YARS1: variants seen among roughly 807,000 people sequenced by gnomAD.
YARS1 encodes tyrosyl-tRNA synthetase 1.
YARS1 carries 36 observed loss-of-function variants against 62.2 expected under a neutral mutation model. The ratio of observed to expected loss-of-function variants is 0.58; its 90% CI spans 0.44 to 0.76. The LOEUF is 0.76. Among genes scored for constraint, YARS1 ranks in the 30% least tolerant of loss-of-function variants. YARS1 has a pLI of 0.00. For synonymous variants in YARS1, 234 were observed against 244.9 expected, an observed-to-expected ratio of 0.96 and a Z score of 0.42; for missense variants, 524 against 639.8, an observed-to-expected ratio of 0.82 and a Z score of 1.95.
At chr1:32,784,324 A>G (rs1331464241) in intron 8 of YARS1, among the ~76,000 whole-genome samples, 2 of 151,844 alleles carry the variant, frequency 1.3e-5, no homozygotes, top group African/African-American at 4.8e-5. Flanking sequence ...GTACATTAAC[A>G]TTTCTAGCAG....
chr1:32,801,100 G>A (rs894808080), intron 4 of YARS1, among the ~76,000 whole-genome samples: 2 of 152,182 alleles, frequency 1.3e-5, no homozygotes, highest in Admixed American at 6.5e-5. Flanking sequence ...TTAAAGGACA[G>A]ACAGGTAGAG....
chr1:32,791,276 C>G, intron 5 of YARS1, 22 bp from the exon 6 acceptor site: 1 of 1,599,950 alleles, frequency 6.3e-7, no homozygotes, highest in African/African-American at 1.3e-5. Context: ...GAGAAACACA[C>G]AAAAGCCGAT....
rs545769213 is a variant in YARS1 at position 32,807,483 on chromosome 1, G to T, written c.381-872C>A. ...CTTTTATTTTTTTTTTTGAGACAGG[G>T]TCTCACTCTGTCACCTGGGCTGGAA... On this transcript the variant is annotated intron_variant, in intron 3 of 12. Coordinates refer to ENST00000373477, the MANE Select transcript of YARS1 (RefSeq NM_003680.4). Among the ~76,000 whole-genome samples, 6 of 151,428 alleles carry T rather than the reference G, an allele frequency of 4.0e-5. No homozygotes were observed. In the East Asian group the frequency reaches 1.2e-3, roughly 29 times the overall value.
intron 3 of YARS1, among the ~76,000 whole-genome samples, chr1:32,810,031 A>T (rs995781268): frequency 2.0e-5 from 3 of 151,480 alleles, no homozygotes; most frequent in Non-Finnish European, 4.4e-5. Context: ...TCTTGAACCC[A>T]GGAGGCAGAG....
At chr1:32,802,847 C>G (rs1305929988) in intron 4 of YARS1, among the ~76,000 whole-genome samples, 2 of 152,266 alleles carry the variant, frequency 1.3e-5, no homozygotes, top group Admixed American at 1.3e-4. Flanking sequence ...GAGTCTCACT[C>G]TGTTACCCAG....
chr1:32,793,291 G>C (rs564791368), intron 5 of YARS1, among the ~76,000 whole-genome samples: 2 of 152,314 alleles, frequency 1.3e-5, no homozygotes, highest in Admixed American at 1.3e-4. Context: ...CAAATCCACT[G>C]ATTCAAGAAG....
chr1:32,790,248 C>T lies in YARS1; in HGVS notation c.684+914G>A, dbSNP rs1185546609. ...TTTTGGCTGGGTGCAGTGGCTCACG[C>T]CTATAATCCCAGCACCTTGGGAGGC... On this transcript the variant is annotated intron_variant, in intron 6 of 12. Coordinates refer to ENST00000373477, the MANE Select transcript of YARS1 (RefSeq NM_003680.4). Among the ~76,000 whole-genome samples the T allele has an allele frequency of 2.8e-5, 4 of 144,824 alleles. No individual in the cohort carries two copies. In the East Asian group the frequency reaches 8.3e-4, roughly 30 times the overall value.
chr1:32,805,265 G>T (rs1409105134), intron 4 of YARS1, among the ~76,000 whole-genome samples: 1 of 131,992 alleles, frequency 7.6e-6, no homozygotes, highest in Non-Finnish European at 1.6e-5. Context: ...GGGAGAGGGG[G>T]AGAGGGAGAG....
At chr1:32,781,272 G>T (rs150871207) in intron 9 of YARS1, 127 bp from the exon 10 acceptor site, 158 of 800,232 alleles carry the variant, frequency 2.0e-4, no homozygotes, top group Non-Finnish European at 3.0e-4. Context: ...TAAACACTGA[G>T]TTGTAACTTC....
rs371779469 is a variant in YARS1, at chr1:32,810,814, C to G, written c.205-48G>C. ...CCAAAATGTGAATTTGTCCAATTAC[C>G]TCCAACCTGTCTCCTCCAGCCCCAC... On this transcript the variant is annotated intron_variant, in intron 2 of 12. Coordinates refer to ENST00000373477, the MANE Select transcript of YARS1 (RefSeq NM_003680.4). 3.7e-6 allele frequency: 6 copies of G among 1,613,944 alleles called. No homozygotes were observed. The African/African-American group carries it at 8.0e-5, about 22-fold the overall frequency.
In YARS1 at chr1:32,797,758, C is replaced by T. The variant is rs1653651779; in HGVS notation, c.591+5G>A. ...GTGAAAAAAGACAGGAAAGCAGACA[C>T]TCACCTTCTCTGCAAAGGTGAAAAT... On this transcript the variant is annotated splice_donor_5th_base_variant and intron_variant, in intron 5 of 12. Transcript: ENST00000373477. 1.9e-6 allele frequency: 3 copies of T among 1,612,968 alleles called. No homozygotes were observed. The highest frequency in any genetic ancestry group is 3.3e-5 in the Admixed American group (2 of 60,010).
Position 32,806,468 on chromosome 1 carries a change from T to A in YARS1, c.510+14A>T, listed in dbSNP as rs943535768. On this transcript the variant is annotated intron_variant, in intron 4 of 12. Transcript: ENST00000373477. ...CAGAAAAGGTCATCGGGCCACTCCA[T>A]CCCCCTTAAGTACCTGCAGTCCGGG... 6.2e-7 allele frequency: 1 copy of A among 1,613,606 alleles called. No homozygotes were observed. The highest frequency in any genetic ancestry group is 8.5e-7 in the Non-Finnish European group (1 of 1,179,868).
intron 4 of YARS1, 140 bp downstream of exon 4, chr1:32,806,342 G>A: frequency 7.4e-7 from 1 of 1,350,262 alleles, no homozygotes; most frequent in Non-Finnish European, 1.0e-6. Context: ...TGGACTTGCT[G>A]TACACAGGGT....
intron 5 of YARS1, among the ~76,000 whole-genome samples, chr1:32,791,953 G>A (rs35381223): frequency 6.6e-6 from 1 of 152,070 alleles, no homozygotes; most frequent in Non-Finnish European, 1.5e-5. Flanking sequence ...GATAAAAAGA[G>A]ACCAAGCAGA....
chr1:32,780,402 GCTAA>G, intron 10 of YARS1, 124 bp from the exon 11 acceptor site: 1 of 1,137,014 alleles, frequency 8.8e-7, no homozygotes, highest in Non-Finnish European at 1.3e-6. Context: ...ACCCCCTAGA[GCTAA>G]CTTTCTTTCC....
chr1:32,805,121 G>A (rs558972788), intron 4 of YARS1, among the ~76,000 whole-genome samples: 3 of 151,806 alleles, frequency 2.0e-5, no homozygotes, highest in Admixed American at 6.6e-5. Flanking sequence ...CCAGGCACTC[G>A]GCAGGCTGAG....
intron 1 of YARS1, 83 bp downstream of exon 1, chr1:32,817,105 T>G: frequency 6.4e-7 from 1 of 1,568,788 alleles, no homozygotes; most frequent in Non-Finnish European, 8.8e-7. Context: ...CCCCACATAC[T>G]TAGAACCCCG....
chr1:32,787,034 C>G lies in YARS1; in HGVS notation c.726G>C (p.Lys242Asn). Reference protein sequence around the residue: ...IDLLDRKEDVKKKLKKAFCEP... With the variant: ...IDLLDRKEDVNKKLKKAFCEP... ...CACAGAAGGCCTTCTTCAGTTTTTT[C>G]TTCACATCCTCCTTCCGATCAAGGA... Residue 242 changes from lysine to asparagine, a missense_variant, in exon 7 of 13, where the codon AAG becomes AAC. By Grantham distance (94) the Lys-to-Asn change is moderately conservative. Coordinates refer to ENST00000373477, the MANE Select transcript of YARS1 (RefSeq NM_003680.4). The G allele has an allele frequency of 1.9e-6, 3 of 1,614,212 alleles. No homozygotes were observed. Among genetic ancestry groups the G allele is most frequent in the Non-Finnish European group, 2.5e-6 (3 of 1,180,042 alleles).
intron 5 of YARS1, 27 bp from the exon 6 acceptor site, chr1:32,791,281 G>C: frequency 6.3e-7 from 1 of 1,589,532 alleles, no homozygotes. Flanking sequence ...ACACACAAAA[G>C]CCGATATTAG....
Sources: allele counts gnomAD v4.1 joint callset (sites outside exome capture counted in the v4.1 genomes callset), GRCh38; gene constraint gnomAD v4.1.1; transcripts MANE v1.5; gene names NCBI Gene and HGNC (gene_info 2026-07-23, HGNC 2026-07-21).